Variants in SDK1 observed in about 807,000 individuals in gnomAD.
The protein encoded by SDK1 is protein sidekick-1.
SDK1 carries 157 observed loss-of-function variants against 245.5 expected under a neutral mutation model. The ratio of observed to expected loss-of-function variants is 0.64; its 90% CI spans 0.56 to 0.73. The LOEUF (loss-of-function observed/expected upper bound fraction) is 0.73, where lower values mean the gene tolerates loss of function less well. SDK1 is among the 30% of genes least tolerant of loss of function. The probability of loss-of-function intolerance (pLI) is 0.00; values close to 1 mark genes in which losing one functional copy is unlikely to be tolerated. For synonymous variants in SDK1, 1,647 were observed against 1,278.5 expected, an observed-to-expected ratio of 1.29 and a Z score of -6.15; for missense variants, 3,583 against 3,002.3, an observed-to-expected ratio of 1.19 and a Z score of -4.52.
chr7:3,623,996 T>G (rs1782029305), intron 2 of SDK1, among the ~76,000 whole-genome samples: 1 of 152,180 alleles, frequency 6.6e-6, no homozygotes. Flanking sequence ...GGCAAACATT[T>G]CACAGTATCA....
At chr7:3,553,331 A>T (rs1009748509) in intron 1 of SDK1, among the ~76,000 whole-genome samples, 1 of 152,226 alleles carries the variant, frequency 6.6e-6, no homozygotes, top group Non-Finnish European at 1.5e-5. Flanking sequence ...TAAGACTTCT[A>T]GCTTGGACAA....
At chr7:3,996,356 T>C (rs1256220237) in intron 14 of SDK1, among the ~76,000 whole-genome samples, 1 of 152,248 alleles carries the variant, frequency 6.6e-6, no homozygotes, top group African/African-American at 2.4e-5. Context: ...ATTTTGTTAT[T>C]ACTTGTCATC....
rs569114681 is a variant in SDK1, at chr7:3,825,529, C to T, written c.847+3946C>T. Among the ~76,000 whole-genome samples the T allele has an allele frequency of 1.3e-3, 200 of 152,126 alleles. 1 individual carries two copies. Among genetic ancestry groups the T allele is most frequent in the African/African-American group, 4.7e-3 (195 of 41,492 alleles). ...GCCTCTCTCCTTCCTGTTTTTTTCACCTCTTTCATTTTAATGTCTCCTCTT... is the reference window on the plus strand; with the variant it reads ...GCCTCTCTCCTTCCTGTTTTTTTCATCTCTTTCATTTTAATGTCTCCTCTT... On this transcript the variant is annotated intron_variant, in intron 5 of 44. Transcript: ENST00000404826.
chr7:3,958,162 C>T (rs960933494), intron 7 of SDK1: 12 of 355,500 alleles, frequency 3.4e-5, no homozygotes, highest in East Asian at 1.7e-4. Context: ...AATTAATTAT[C>T]GCACAGAAAG....
At chr7:3,343,748 A>G (rs1393578107) in intron 1 of SDK1, among the ~76,000 whole-genome samples, 10 of 152,262 alleles carry the variant, frequency 6.6e-5, no homozygotes, top group South Asian at 2.1e-4. Flanking sequence ...ACTGACTTCT[A>G]TTAGAAGACA....
At chr7:4,107,156 G>C (rs1386880453) in intron 22 of SDK1, among the ~76,000 whole-genome samples, 1 of 140,668 alleles carries the variant, frequency 7.1e-6, no homozygotes. Flanking sequence ...GGAGGGTGGG[G>C]AGGGTGGGGC....
At chr7:3,650,533 T>C (rs1274377894) in intron 4 of SDK1, among the ~76,000 whole-genome samples, 1 of 152,086 alleles carries the variant, frequency 6.6e-6, no homozygotes, top group Middle Eastern at 3.2e-3. Flanking sequence ...AAAGAAATAA[T>C]GTAGGGTGAT....
rs1288021446 is a variant in SDK1, at chr7:4,265,424, C to G, written c.*40C>G. ...CTCCCTCAGGGCGGAACGGAGGCAA[C>G]TTTCCGGAGTCTATTTTTGTTAAGA... On this transcript the variant is annotated 3_prime_UTR_variant, in exon 45 of 45. Transcript: ENST00000404826. 8 of 1,403,824 alleles carry G rather than the reference C, an allele frequency of 5.7e-6. No individual in the cohort carries two copies. Among genetic ancestry groups the G allele is most frequent in the African/African-American group, 3.0e-5 (2 of 65,814 alleles). 87.0% of individuals were successfully genotyped at this position (1,403,824 alleles called of 1,614,324 possible). A position where few individuals can be genotyped will look rare whatever the true frequency, so the allele number is the denominator to read the frequency against.
At chr7:3,485,009 G>T (rs573379217) in intron 1 of SDK1, among the ~76,000 whole-genome samples, 3 of 152,172 alleles carry the variant, frequency 2.0e-5, no homozygotes, top group South Asian at 4.1e-4. Flanking sequence ...TTTCTTTTGG[G>T]TATATACCCA....
chr7:3,311,310 A>G (rs1583666861), intron 1 of SDK1, among the ~76,000 whole-genome samples: 1 of 152,128 alleles, frequency 6.6e-6, no homozygotes, highest in African/African-American at 2.4e-5. Context: ...TAGAGAGGTA[A>G]ATAGATGAGA....
intron 1 of SDK1, among the ~76,000 whole-genome samples, chr7:3,389,943 A>G (rs1445197761): frequency 6.6e-6 from 1 of 152,160 alleles, no homozygotes; most frequent in African/African-American, 2.4e-5. Flanking sequence ...TGTAGATATT[A>G]AAGACTGCTG....
rs190016807 is a variant in SDK1, at chr7:3,447,273, G to A, written c.298+145389G>A. On this transcript the variant is annotated intron_variant, in intron 1 of 44. Coordinates refer to ENST00000404826, the MANE Select transcript of SDK1 (RefSeq NM_152744.4). ...ATAACTTAATAGTAACAATTGGAAT[G>A]ATTAACATATTGTGAAGCGAAACTT... Among the ~76,000 whole-genome samples, 61 of 152,258 alleles carry A rather than the reference G, an allele frequency of 4.0e-4. 1 individual carries two copies. Among genetic ancestry groups the A allele is most frequent in the Non-Finnish European group, 7.1e-4 (48 of 67,998 alleles).
intron 5 of SDK1, among the ~76,000 whole-genome samples, chr7:3,827,182 C>T (rs1219193922): frequency 6.6e-6 from 1 of 151,896 alleles, no homozygotes. Context: ...GGGGGAAGCT[C>T]AATATGCCCG....
At chr7:3,552,052 T>C (rs535723973) in intron 1 of SDK1, among the ~76,000 whole-genome samples, 1 of 152,142 alleles carries the variant, frequency 6.6e-6, no homozygotes, top group South Asian at 2.1e-4. Flanking sequence ...TCTTCTTTTT[T>C]TTTTGAGCCG....
intron 39 of SDK1, among the ~76,000 whole-genome samples, chr7:4,220,850 C>A (rs928056224): frequency 6.6e-6 from 1 of 152,026 alleles, no homozygotes; most frequent in Non-Finnish European, 1.5e-5. Context: ...TAGCTCACTG[C>A]AGCCTCAACC....
intron 1 of SDK1, among the ~76,000 whole-genome samples, chr7:3,438,419 A>T (rs926516080): frequency 5.9e-5 from 9 of 152,192 alleles, no homozygotes; most frequent in African/African-American, 1.7e-4. Context: ...TAACATTTAC[A>T]TATGAGAGAA....
intron 1 of SDK1, among the ~76,000 whole-genome samples, chr7:3,463,868 T>G (rs1315000505): frequency 2.0e-5 from 3 of 152,166 alleles, no homozygotes; most frequent in Admixed American, 2.0e-4. Flanking sequence ...TGAATTGGCT[T>G]CTTGGACACA....
chr7:3,440,557 C>A (rs148949940), intron 1 of SDK1, among the ~76,000 whole-genome samples: 68 of 152,226 alleles, frequency 4.5e-4, no homozygotes, highest in African/African-American at 1.5e-3. Context: ...TGCTTGTGTT[C>A]AAGTAACCCT....
At chr7:3,824,204 T>C (rs969976115) in intron 5 of SDK1, among the ~76,000 whole-genome samples, 2 of 152,186 alleles carry the variant, frequency 1.3e-5, no homozygotes, top group African/African-American at 4.8e-5. Context: ...TCAAGACCTA[T>C]TGATACTGGG....
Sources: gnomAD v4.1 joint callset for allele counts (sites outside exome capture counted in the v4.1 genomes callset) on GRCh38, gnomAD v4.1.1 for gene constraint, MANE v1.5 for transcripts, NCBI Gene and HGNC (gene_info 2026-07-23, HGNC 2026-07-21) for gene names.